The following MTFMT variants were observed in gnomAD, a reference collection of about 807,000 sequenced individuals.
The protein encoded by MTFMT is mitochondrial methionyl-tRNA formyltransferase.
In MTFMT, 47 loss-of-function variants were observed where a neutral mutation model predicts 51.8. The ratio of observed to expected loss-of-function variants is 0.91; its 90% confidence interval spans 0.72 to 1.16. The LOEUF (loss-of-function observed/expected upper bound fraction) is 1.16. MTFMT is among the 50% of genes most tolerant of loss of function. The pLI is 0.00. For missense variants in MTFMT, 512 were observed against 482.3 expected, an observed-to-expected ratio of 1.06 and a Z score of -0.58; for synonymous variants, 196 against 176.7, an observed-to-expected ratio of 1.11 and a Z score of -0.87.
rs566524399 is a variant in MTFMT, at chr15:65,027,921, A to G, written c.210-881T>C. 5.3e-5 allele frequency among the ~76,000 whole-genome samples: 8 copies of G among 152,346 alleles called. No individual in the cohort carries two copies. In the South Asian group the frequency reaches 1.4e-3, roughly 28 times the overall value. ...ACTACTTTTTAAAAAACAAACAAAA[A>G]TACATAACATGGCTATCATTCCATG... On this transcript the variant is annotated intron_variant, in intron 1 of 8. Transcript: ENST00000220058.
rs759722937 is a variant in MTFMT at position 65,003,176 on chromosome 15, G to A, written c.1056C>T (p.Pro352=). ...GAGCTTGGGAATTTTTCTGGTACCA[G>A]GGGTGCAAATATCCATTGTAGAAGT... The part of the protein sequence containing the change: ...ATDFYNGYLH[P]WYQKNSQAQP... Residue 352 remains proline (P), a synonymous_variant, in exon 9 of 9, where the codon CCC becomes CCT. Transcript: ENST00000220058. 1.2e-6 allele frequency: 2 copies of A among 1,613,702 alleles called. No individual in the cohort carries two copies. Among genetic ancestry groups the A allele is most frequent in the Non-Finnish European group, 8.5e-7 (1 of 1,179,762 alleles).
intron 6 of MTFMT, among the ~76,000 whole-genome samples, chr15:65,009,098 C>A (rs2086241677): frequency 6.6e-6 from 1 of 152,170 alleles, no homozygotes; most frequent in African/African-American, 2.4e-5. Flanking sequence ...ATTAATCCCA[C>A]TTTAGAGGTA....
chr15:65,006,099 T>A lies in MTFMT; in HGVS notation c.892+14A>T, dbSNP rs776567068. The A allele has an allele frequency of 6.2e-7, 1 of 1,602,216 alleles. No individual in the cohort carries two copies. Among genetic ancestry groups the A allele is most frequent in the South Asian group, 1.1e-5 (1 of 90,632 alleles). The stretch of plus-strand genomic sequence containing the variant: ...TGAAAACAGCTTCCATGTTAGCTAT[T>A]CAAAAGTTAGTACCAGCAAGGACTG... On this transcript the variant is annotated intron_variant, in intron 7 of 8. Coordinates refer to ENST00000220058, the MANE Select transcript of MTFMT (RefSeq NM_139242.4).
chr15:65,026,850 G>T lies in MTFMT; in HGVS notation c.400C>A (p.Leu134Ile). Residue 134 changes from leucine to isoleucine, a missense_variant, in exon 2 of 9, where the codon CTT (leucine) becomes ATT (isoleucine). By Grantham distance (5) the Leu-to-Ile change is conservative. Transcript: ENST00000220058. ...ASFGRLLNEA[L>I]ILKFPYGILN... is the part of the protein sequence containing the mutation. ...ACTTACTAGGGAAATTTAAGAATAAGAGCCTCATTCAAAAGTCGGCCAAAC... is the reference window on the plus strand; with the variant it reads ...ACTTACTAGGGAAATTTAAGAATAATAGCCTCATTCAAAAGTCGGCCAAAC... 6.2e-7 allele frequency: 1 copy of T among 1,613,806 alleles called. No homozygotes were observed. Among genetic ancestry groups the T allele is most frequent in the Non-Finnish European group, 8.5e-7 (1 of 1,179,846 alleles).
chr15:65,007,389 C>CAT (rs1257740960), intron 6 of MTFMT, among the ~76,000 whole-genome samples: 2 of 152,314 alleles, frequency 1.3e-5, no homozygotes, highest in East Asian at 3.9e-4. Context: ...TTCATCAGTA[C>CAT]ATACTTATCA....
intron 2 of MTFMT, among the ~76,000 whole-genome samples, chr15:65,025,569 C>T (rs2086415854): frequency 6.6e-6 from 1 of 151,820 alleles, no homozygotes; most frequent in Non-Finnish European, 1.5e-5. Context: ...AGATTCTACA[C>T]AGATTTTGAA....
Position 65,006,129 on chromosome 15 carries a change from G to A in MTFMT, c.876C>T (p.Asn292=). 6.2e-7 allele frequency: 1 copy of A among 1,612,538 alleles called. No individual in the cohort carries two copies. The highest frequency in any genetic ancestry group is 8.5e-7 in the Non-Finnish European group (1 of 1,178,982). Residue 292 remains asparagine, a synonymous_variant, in exon 7 of 9, where the codon AAC becomes AAT. Coordinates refer to ENST00000220058, the MANE Select transcript of MTFMT (RefSeq NM_139242.4). ...TIKLLDLVEV[N]SSVLADPKLT... ...AGTTAGTACCAGCAAGGACTGAACT[G>A]TTAACTTCTACCAAATCCAGAAGTT...
chr15:65,027,126 T>C, intron 1 of MTFMT, 86 bp from the exon 2 acceptor site: 1 of 933,222 alleles, frequency 1.1e-6, no homozygotes, highest in Non-Finnish European at 1.7e-6. Flanking sequence ...AGTATGTTTA[T>C]GATTAATCTC....
At chr15:65,028,477 C>A (rs765409466) in intron 1 of MTFMT, among the ~76,000 whole-genome samples, 12 of 152,178 alleles carry the variant, frequency 7.9e-5, no homozygotes, top group Non-Finnish European at 1.2e-4. Context: ...CATGTGACAA[C>A]AGCAGCCCAT....
At chr15:65,004,786 A>T (rs1187781680) in intron 8 of MTFMT, 68 bp downstream of exon 8, 1 of 1,059,190 alleles carries the variant, frequency 9.4e-7, no homozygotes, top group Admixed American at 2.6e-5. Flanking sequence ...CCAACTAAAA[A>T]TAATAAATGA....
intron 2 of MTFMT, among the ~76,000 whole-genome samples, 163 bp from the exon 3 acceptor site, chr15:65,023,957 T>A (rs1374603366): frequency 6.6e-6 from 1 of 152,216 alleles, no homozygotes; most frequent in Non-Finnish European, 1.5e-5. Flanking sequence ...AAAAGTTACA[T>A]GTAAATTCAC....
chr15:65,023,782 A>T lies in MTFMT; in HGVS notation c.432T>A (p.Asn144Lys). The T allele has an allele frequency of 6.2e-7, 1 of 1,611,818 alleles. No homozygotes were observed. The highest frequency in any genetic ancestry group is 8.5e-7 in the Non-Finnish European group (1 of 1,178,766). ...ATCTCGGGAGGCAACTGGGATGAACATTCAATATGCCACTGAGTTAGAAAA... is the reference window on the plus strand; with the variant it reads ...ATCTCGGGAGGCAACTGGGATGAACTTTCAATATGCCACTGAGTTAGAAAA... ...LILKFPYGIL[N>K]VHPSCLPRWR... The change falls in exon 3 of 9, where the codon AAT becomes AAA. Residue 144 changes from asparagine to lysine, a missense_variant. Coordinates refer to ENST00000220058, the MANE Select transcript of MTFMT (RefSeq NM_139242.4).
chr15:65,024,767 C>A (rs779822012), intron 2 of MTFMT, among the ~76,000 whole-genome samples: 3 of 151,910 alleles, frequency 2.0e-5, no homozygotes, highest in Non-Finnish European at 4.4e-5. Flanking sequence ...AAAATATGTA[C>A]AAGGTTTGCC....
chr15:65,023,588 AC>A, intron 3 of MTFMT, 83 bp downstream of exon 3: 1 of 1,336,766 alleles, frequency 7.5e-7, no homozygotes. Flanking sequence ...AGTGAGCACC[AC>A]CCATTCATCC....
intron 6 of MTFMT, among the ~76,000 whole-genome samples, chr15:65,009,829 T>C (rs2086248945): frequency 6.6e-6 from 1 of 152,032 alleles, no homozygotes; most frequent in African/African-American, 2.4e-5. Context: ...AATTTTTGTA[T>C]ATTTTGTAGA....
Position 65,017,092 on chromosome 15 carries a change from A to T in MTFMT, c.722-565T>A, listed in dbSNP as rs532762343. Among the ~76,000 whole-genome samples the T allele has an allele frequency of 5.5e-3, 377 of 68,464 alleles. 3 individuals are homozygous for T. Among genetic ancestry groups the T allele is most frequent in the African/African-American group, 0.011 (314 of 29,040 alleles). The allele number at this position is 68,464 out of a possible 152,430, so 44.9% of individuals were successfully genotyped here. A position where few individuals can be genotyped will look rare whatever the true frequency, so the allele number is the denominator to read the frequency against. On this transcript the variant is annotated intron_variant, in intron 5 of 8. Coordinates refer to ENST00000220058, the MANE Select transcript of MTFMT (RefSeq NM_139242.4). Reference sequence around the variant, plus strand: ...CTACCATGCCTAGGCAAAATAAATTAAAAAAAAAAAAAAAGACAAAAAGAA... The same window carrying T: ...CTACCATGCCTAGGCAAAATAAATTTAAAAAAAAAAAAAAGACAAAAAGAA...
In MTFMT at chr15:65,012,672, C is replaced by A. The variant is rs12592439; in HGVS notation, c.813+3764G>T. 1.3e-3 allele frequency among the ~76,000 whole-genome samples: 204 copies of A among 152,238 alleles called. 2 individuals are homozygous for A. In the East Asian group the frequency reaches 0.036, roughly 27 times the overall value. ...GCCTCAGCCTCCCAAAGTGCTGGGA[C>A]TACAGGCATAAGCCATCATGCCTGG... is the stretch of plus-strand genomic sequence containing the variant. On this transcript the variant is annotated intron_variant, in intron 6 of 8. Transcript: ENST00000220058.
At chr15:65,010,680 T>C (rs2086256852) in intron 6 of MTFMT, among the ~76,000 whole-genome samples, 1 of 152,230 alleles carries the variant, frequency 6.6e-6, no homozygotes, top group Non-Finnish European at 1.5e-5. Flanking sequence ...GTACACATTT[T>C]TGTGTGAGCA....
intron 8 of MTFMT, among the ~76,000 whole-genome samples, chr15:65,003,511 C>T (rs1310957505): frequency 1.3e-5 from 2 of 152,106 alleles, no homozygotes; most frequent in African/African-American, 4.8e-5. Flanking sequence ...ATGTATAGAT[C>T]TGTATAAATA....
Sources: gnomAD v4.1 joint callset for allele counts (sites outside exome capture counted in the v4.1 genomes callset) on GRCh38, gnomAD v4.1.1 for gene constraint, MANE v1.5 for transcripts, NCBI Gene and HGNC (gene_info 2026-07-23, HGNC 2026-07-21) for gene names.